CTNNA2: variants seen among roughly 807,000 people sequenced by gnomAD.
CTNNA2 encodes the protein catenin alpha 2.
CTNNA2 carries 42 observed loss-of-function variants against 101.0 expected under a neutral mutation model. The observed-to-expected ratio is 0.42, with a 90% CI of 0.32 to 0.54. The LOEUF is 0.54. Ranked by LOEUF, CTNNA2 falls within the 20% of genes least tolerant of loss-of-function variation. The pLI, the probability that CTNNA2 is intolerant of heterozygous loss-of-function variation, is 0.14. For missense variants in CTNNA2, 871 were observed against 1,223.1 expected (o/e 0.71, Z 4.29); for synonymous variants, 450 against 456.4 (o/e 0.99, Z 0.18).
chr2:80,463,441 G>T (rs949356370), intron 9 of CTNNA2, among the ~76,000 whole-genome samples: 1 of 152,174 alleles, frequency 6.6e-6, no homozygotes, highest in Admixed American at 6.6e-5. Flanking sequence ...CCTTAGAAGG[G>T]TTATGGAGCA....
intron 7 of CTNNA2, among the ~76,000 whole-genome samples, chr2:80,353,520 A>C (rs149625): frequency 1 from 151,783 of 152,240 alleles, 75,666 homozygotes; most frequent in East Asian, 1. Flanking sequence ...TAAAAAATGT[A>C]TATAACACAA....
At chr2:80,243,326 G>C (rs1318995960) in intron 7 of CTNNA2, among the ~76,000 whole-genome samples, 2 of 151,984 alleles carry the variant, frequency 1.3e-5, no homozygotes, top group African/African-American at 2.4e-5. Context: ...AATTTGATAA[G>C]CTTTTTATTT....
chr2:79,713,274 T>C (rs1038714983), intron 2 of CTNNA2, among the ~76,000 whole-genome samples: 12 of 152,090 alleles, frequency 7.9e-5, no homozygotes, highest in African/African-American at 2.4e-4. Context: ...CCTTGAATCA[T>C]TTGGTCGTTC....
At chr2:79,750,311 A>G (rs1671933220) in intron 3 of CTNNA2, among the ~76,000 whole-genome samples, 1 of 152,156 alleles carries the variant, frequency 6.6e-6, no homozygotes, top group South Asian at 2.1e-4. Context: ...AGATCTTGAA[A>G]TCTTTATGTC....
chr2:79,204,810 A>G (rs1335153037), intron 2 of CTNNA2, among the ~76,000 whole-genome samples: 1 of 152,220 alleles, frequency 6.6e-6, no homozygotes, highest in East Asian at 1.9e-4. Flanking sequence ...CTCACATGGC[A>G]GAAGAGCAGA....
chr2:80,462,088 A>T (rs1159184865), intron 9 of CTNNA2, among the ~76,000 whole-genome samples: 1 of 152,232 alleles, frequency 6.6e-6, no homozygotes, highest in Non-Finnish European at 1.5e-5. Flanking sequence ...TTAGAAGTCT[A>T]GGGAATGAAC....
chr2:79,952,428 G>A (rs1159844179), intron 7 of CTNNA2, among the ~76,000 whole-genome samples: 1 of 152,148 alleles, frequency 6.6e-6, no homozygotes, highest in Non-Finnish European at 1.5e-5. Flanking sequence ...GGGAGGTAAA[G>A]ATTAATGGTG....
intron 4 of CTNNA2, among the ~76,000 whole-genome samples, chr2:79,407,757 A>G (rs1558659718): frequency 6.6e-6 from 1 of 152,018 alleles, no homozygotes. Flanking sequence ...GAGAAAACAC[A>G]GAAAAGGATA....
In CTNNA2 at chr2:80,303,386, G is replaced by C; in HGVS notation, c.1057-89825G>C. The C allele has an allele frequency of 6.2e-7, 1 of 1,614,202 alleles. No homozygotes were observed. The highest frequency in any genetic ancestry group is 8.5e-7 in the Non-Finnish European group (1 of 1,180,046). The stretch of plus-strand genomic sequence containing the variant: ...CGCGAGCGCCTGCAGCTTGTTGTAC[G>C]AGAGGTCCACGCTGCGCAGGTTGGG... On this transcript the variant is annotated intron_variant, in intron 7 of 18. Transcript: ENST00000402739. The surrounding 1 kb of genome is among the most constrained non-coding windows in gnomAD (Gnocchi z 7.7).
At chr2:80,514,017 C>T (rs905662454) in intron 9 of CTNNA2, among the ~76,000 whole-genome samples, 4 of 152,182 alleles carry the variant, frequency 2.6e-5, no homozygotes, top group Non-Finnish European at 5.9e-5. Context: ...GTCTCTCTTT[C>T]TCATAATCTT....
At chr2:80,116,902 A>AGTGTCTGTGTGT (rs1701555024) in intron 7 of CTNNA2, among the ~76,000 whole-genome samples, 1 of 143,520 alleles carries the variant, frequency 7.0e-6, no homozygotes, top group African/African-American at 2.6e-5. Context: ...AGAAGAAAAT[A>AGTGTCTGTGTGT]GTGTGTGTGT....
chr2:79,230,307 C>T (rs1674473562), intron 2 of CTNNA2, among the ~76,000 whole-genome samples: 1 of 152,156 alleles, frequency 6.6e-6, no homozygotes, highest in Non-Finnish European at 1.5e-5. Context: ...AGCCTAGGGA[C>T]TTAGCATCCT....
intron 2 of CTNNA2, among the ~76,000 whole-genome samples, chr2:79,710,667 G>A (rs1339834041): frequency 3.9e-5 from 6 of 152,116 alleles, no homozygotes; most frequent in Admixed American, 3.9e-4. Context: ...TTGGCCACAA[G>A]CCAATCAGCT....
chr2:80,211,047 A>G (rs1707858439), intron 7 of CTNNA2, among the ~76,000 whole-genome samples: 2 of 152,120 alleles, frequency 1.3e-5, no homozygotes, highest in South Asian at 2.1e-4. Flanking sequence ...TCCTTTGCCC[A>G]CTTTTTGATG....
intron 7 of CTNNA2, among the ~76,000 whole-genome samples, chr2:79,985,062 C>T (rs1258610959): frequency 6.6e-6 from 1 of 152,148 alleles, no homozygotes; most frequent in East Asian, 1.9e-4. Context: ...CCTTCTGGCT[C>T]TTAACAGAAA....
intron 2 of CTNNA2, among the ~76,000 whole-genome samples, chr2:79,236,018 A>T (rs1193325316): frequency 6.6e-6 from 1 of 151,948 alleles, no homozygotes; most frequent in Non-Finnish European, 1.5e-5. Context: ...AGGAGCAGAG[A>T]TAGGTGGAGT....
At chr2:80,334,597 A>G (rs1040717305) in intron 7 of CTNNA2, among the ~76,000 whole-genome samples, 1 of 151,666 alleles carries the variant, frequency 6.6e-6, no homozygotes. Flanking sequence ...GACATCCCAC[A>G]CTCTTTCTAA....
chr2:79,227,208 C>T (rs528188749), intron 2 of CTNNA2, among the ~76,000 whole-genome samples: 3 of 152,190 alleles, frequency 2.0e-5, no homozygotes, highest in Admixed American at 2.0e-4. Flanking sequence ...GTAACTCCTC[C>T]AGGTTTGTCC....
chr2:79,934,585 G>A (rs1187110197), intron 7 of CTNNA2, among the ~76,000 whole-genome samples: 1 of 152,184 alleles, frequency 6.6e-6, no homozygotes, highest in African/African-American at 2.4e-5. Flanking sequence ...GCAAGTCCCA[G>A]CCCAGAAGTC....
Sources: gnomAD v4.1 joint callset for allele counts (sites outside exome capture counted in the v4.1 genomes callset) on GRCh38, gnomAD v4.1.1 for gene constraint, Gnocchi (gnomAD v3.1) non-coding constraint, MANE v1.5 for transcripts, NCBI Gene and HGNC (gene_info 2026-07-23, HGNC 2026-07-21) for gene names.